Variants in EXOC4 observed in about 807,000 individuals in gnomAD.
EXOC4 encodes exocyst complex component 4.
EXOC4 carries 71 observed loss-of-function variants against 107.2 expected under a neutral mutation model. The observed-to-expected ratio is 0.66, with a 90% CI of 0.55 to 0.81. The LOEUF (loss-of-function observed/expected upper bound fraction) is 0.81. Ranked by LOEUF, EXOC4 falls within the 30% of genes least tolerant of loss-of-function variation. The pLI, the probability that EXOC4 is intolerant of heterozygous loss-of-function variation, is 0.00. For synonymous variants in EXOC4, 456 were observed against 441.2 expected (o/e 1.03, Z -0.42); for missense variants, 1,108 against 1,189.6 (o/e 0.93, Z 1.01).
intron 7 of EXOC4, among the ~76,000 whole-genome samples, chr7:133,417,191 G>T (rs1166761537): frequency 1.3e-5 from 2 of 152,142 alleles, no homozygotes; most frequent in African/African-American, 4.8e-5. Flanking sequence ...GTTCTTTTAT[G>T]GTTAAGTAAT....
intron 10 of EXOC4, among the ~76,000 whole-genome samples, chr7:133,661,862 A>G (rs969483881): frequency 1.5e-4 from 23 of 151,678 alleles, no homozygotes; most frequent in African/African-American, 5.3e-4. Flanking sequence ...ATCACATCAA[A>G]CTCCTTAGTA....
chr7:133,560,385 A>G (rs1050217355), intron 9 of EXOC4, among the ~76,000 whole-genome samples: 1 of 152,248 alleles, frequency 6.6e-6, no homozygotes, highest in Middle Eastern at 3.4e-3. Flanking sequence ...CCTGGATTCA[A>G]TTGATTCTCA....
At chr7:133,578,433 A>G (rs949933589) in intron 9 of EXOC4, among the ~76,000 whole-genome samples, 2 of 152,216 alleles carry the variant, frequency 1.3e-5, no homozygotes, top group African/African-American at 4.8e-5. Context: ...TTTATATCTC[A>G]TATGAGTGAT....
intron 10 of EXOC4, among the ~76,000 whole-genome samples, chr7:133,678,012 T>A (rs1159151920): frequency 6.6e-6 from 1 of 152,194 alleles, no homozygotes; most frequent in Non-Finnish European, 1.5e-5. Flanking sequence ...GCCTCCTGCA[T>A]TTGTTGAAAT....
chr7:133,325,327 A>G (rs1404013401), intron 5 of EXOC4, among the ~76,000 whole-genome samples: 1 of 152,148 alleles, frequency 6.6e-6, no homozygotes, highest in Non-Finnish European at 1.5e-5. Context: ...ACAGTTTGGC[A>G]TGTTTTTGCA....
chr7:133,597,827 A>T (rs144558326), intron 9 of EXOC4, among the ~76,000 whole-genome samples: 2 of 152,146 alleles, frequency 1.3e-5, no homozygotes, highest in East Asian at 3.9e-4. Flanking sequence ...TCTGGCCAAC[A>T]TGATGAAACC....
At chr7:133,346,912 A>G (rs1332416661) in intron 5 of EXOC4, among the ~76,000 whole-genome samples, 4 of 152,170 alleles carry the variant, frequency 2.6e-5, no homozygotes, top group African/African-American at 9.7e-5. Flanking sequence ...TATAAATGAA[A>G]TAATGCAGTT....
chr7:134,027,518 T>C (rs376104901), intron 17 of EXOC4, among the ~76,000 whole-genome samples: 3 of 151,260 alleles, frequency 2.0e-5, no homozygotes, highest in African/African-American at 7.3e-5. Flanking sequence ...ATTAGCTAGG[T>C]GTGGTGGTGC....
intron 5 of EXOC4, among the ~76,000 whole-genome samples, chr7:133,328,334 A>G (rs559646313): frequency 8.3e-4 from 126 of 151,840 alleles, no homozygotes; most frequent in African/African-American, 2.9e-3. Flanking sequence ...TGCACGTGAG[A>G]TGGGTTTCCT....
chr7:133,681,272 G>A (rs1178043395), intron 10 of EXOC4, among the ~76,000 whole-genome samples: 6 of 152,166 alleles, frequency 3.9e-5, no homozygotes, highest in Admixed American at 6.5e-5. Flanking sequence ...GAGAAATTAG[G>A]TAGTAGAGAG....
At chr7:133,341,676 T>C (rs1055228270) in intron 5 of EXOC4, among the ~76,000 whole-genome samples, 2 of 152,152 alleles carry the variant, frequency 1.3e-5, no homozygotes, top group African/African-American at 4.8e-5. Flanking sequence ...TCTCATTTCT[T>C]AAGTCTAGAA....
rs6952261 is a variant in EXOC4, at chr7:133,921,722, G to A, written c.2027+3984G>A. ...CCTCCCAGATCTGTAGTGTAGTGAG[G>A]TATCTCTAATTGATTTGGAGTAATT... On this transcript the variant is annotated intron_variant, in intron 13 of 17. Transcript: ENST00000253861. Among the ~76,000 whole-genome samples the A allele has an allele frequency of 2.4e-3, 366 of 152,108 alleles. 5 individuals are homozygous for A. The highest frequency in any genetic ancestry group is 8.2e-3 in the African/African-American group (342 of 41,480).
chr7:133,426,793 C>T (rs999291703), intron 7 of EXOC4, among the ~76,000 whole-genome samples: 15 of 152,226 alleles, frequency 9.9e-5, no homozygotes, highest in African/African-American at 3.6e-4. Context: ...TATTAACATT[C>T]AGTAGTTCAG....
At chr7:133,885,326 A>AG (rs1389480644) in intron 11 of EXOC4, among the ~76,000 whole-genome samples, 64 of 152,108 alleles carry the variant, frequency 4.2e-4, no homozygotes, top group African/African-American at 1.3e-3. Context: ...AAAAAAAAAA[A>AG]AAGATACAGT....
intron 9 of EXOC4, among the ~76,000 whole-genome samples, chr7:133,604,706 CTTTCTTTTTTTTT>C (rs1204660353): frequency 0.018 from 1,612 of 87,478 alleles, 117 homozygotes; most frequent in African/African-American, 0.067. Flanking sequence ...TTCCTTCCTT[CTTTCTTTTTTTTT>C]TTTTTTTTTT....
chr7:133,429,199 A>C (rs1220963323), intron 7 of EXOC4, among the ~76,000 whole-genome samples: 2 of 152,208 alleles, frequency 1.3e-5, no homozygotes, highest in Admixed American at 6.5e-5. Flanking sequence ...GAATTGATGG[A>C]AACATGACTT....
intron 11 of EXOC4, among the ~76,000 whole-genome samples, chr7:133,855,118 T>TGTATATAA (rs1798338346): frequency 4.2e-5 from 4 of 94,886 alleles, no homozygotes; most frequent in South Asian, 3.3e-4. Context: ...TATATAAATA[T>TGTATATAA]ATATATATAA....
At chr7:133,496,134 A>G (rs1044353534) in intron 9 of EXOC4, among the ~76,000 whole-genome samples, 3 of 152,082 alleles carry the variant, frequency 2.0e-5, no homozygotes, top group Admixed American at 1.3e-4. Flanking sequence ...GATTTACAGT[A>G]CAGCATTTTT....
intron 7 of EXOC4, among the ~76,000 whole-genome samples, chr7:133,423,590 A>G (rs1330972590): frequency 2.0e-5 from 3 of 152,164 alleles, no homozygotes; most frequent in Non-Finnish European, 4.4e-5. Context: ...TGTACCCTGT[A>G]CCTAGTGCTG....
Sources: gnomAD v4.1 joint callset for allele counts (sites outside exome capture counted in the v4.1 genomes callset) on GRCh38, gnomAD v4.1.1 for gene constraint, MANE v1.5 for transcripts, NCBI Gene and HGNC (gene_info 2026-07-23, HGNC 2026-07-21) for gene names.